Variants in ZNF75D observed in about 807,000 individuals in gnomAD.
The protein encoded by ZNF75D is zinc finger protein 75D, also known as zinc finger protein 75.
A neutral mutation model predicts 33.3 loss-of-function variants in ZNF75D; 33 were observed. The observed-to-expected ratio is 0.99, with a 90% CI of 0.75 to 1.32. The LOEUF (loss-of-function observed/expected upper bound fraction) is 1.32, where lower values mean the gene tolerates loss of function less well. ZNF75D is among the 40% of genes most tolerant of loss of function. The pLI, the probability that ZNF75D is intolerant of heterozygous loss-of-function variation, is 0.00. For missense variants in ZNF75D, 338 were observed against 367.5 expected, an observed-to-expected ratio of 0.92 and a Z score of 0.66; for synonymous variants, 113 against 130.6, an observed-to-expected ratio of 0.87 and a Z score of 0.92.
In ZNF75D at chrX:135,248,978, C is replaced by T. The variant is rs2083770262; in HGVS notation, n.1620G>A. 2 of 318,938 alleles carry T rather than the reference C, an allele frequency of 6.3e-6. 1 individual carries two copies. The highest frequency in any genetic ancestry group is 1.2e-5 in the Non-Finnish European group (2 of 164,764). The allele number at this position is 318,938 out of a possible 1,213,427, so 26.3% of individuals were successfully genotyped here. On this transcript the variant is annotated non_coding_transcript_exon_variant, in exon 4 of 4. Coordinates refer to the ZNF75D transcript ENST00000494295. Reference sequence around the variant, plus strand: ...CAGGGGAAGGATTTATTGATCCACACCATTTTCTTGGATTTTCCATCCTCC... The same window carrying T: ...CAGGGGAAGGATTTATTGATCCACATCATTTTCTTGGATTTTCCATCCTCC...
intron 1 of ZNF75D, among the ~76,000 whole-genome samples, chrX:135,296,449 G>A (rs1289493546): frequency 9.0e-6 from 1 of 111,678 alleles, no homozygotes; most frequent in Non-Finnish European, 1.9e-5. Flanking sequence ...AAGGTCTAGG[G>A]GCCACGGAAG....
intron 1 of ZNF75D, among the ~76,000 whole-genome samples, chrX:135,304,332 A>G (rs782427481): frequency 9.0e-6 from 1 of 111,657 alleles, no homozygotes; most frequent in Non-Finnish European, 1.9e-5. Flanking sequence ...ATCCTATTCC[A>G]TAGAGAATAT....
chrX:135,318,415 G>A (rs1556432695), intron 1 of ZNF75D, among the ~76,000 whole-genome samples: 2 of 110,823 alleles, frequency 1.8e-5, no homozygotes, highest in Non-Finnish European at 3.8e-5. Flanking sequence ...GTTAAAGAGT[G>A]TTTCTACATA....
At chrX:135,276,064 A>G (rs2083898352) in intron 1 of ZNF75D, among the ~76,000 whole-genome samples, 3 of 111,720 alleles carry the variant, frequency 2.7e-5, no homozygotes, top group Admixed American at 9.5e-5. Context: ...AAAAGGGTAA[A>G]AATTTCTTAC....
At chrX:135,289,627 GACACACACACACACACACACACACAC>G (rs60550937) in intron 6 of ZNF75D, among the ~76,000 whole-genome samples, 1 of 88,912 alleles carries the variant, frequency 1.1e-5, no homozygotes, top group African/African-American at 4.4e-5. Context: ...CACACACACA[GACACACACACACACACACACACACAC>G]ACACACACAC....
chrX:135,250,465 G>A (rs376821399), intron 3 of ZNF75D, among the ~76,000 whole-genome samples: 8 of 107,281 alleles, frequency 7.5e-5, no homozygotes, highest in African/African-American at 2.1e-4. Context: ...CAAACGGTGA[G>A]TATTGACCTA....
chrX:135,270,324 T>C (rs1340018016), intron 1 of ZNF75D, among the ~76,000 whole-genome samples: 20 of 96,806 alleles, frequency 2.1e-4, no homozygotes, highest in African/African-American at 6.3e-4. Context: ...GTAATTATTA[T>C]ACATTGCAGG....
chrX:135,308,772 G>C (rs917341128), intron 1 of ZNF75D, among the ~76,000 whole-genome samples: 1 of 111,848 alleles, frequency 8.9e-6, no homozygotes, highest in Non-Finnish European at 1.9e-5. Context: ...AACTCAGAAG[G>C]ATGGGCCTTA....
In ZNF75D at chrX:135,294,185, A is replaced by AC. The variant is rs1339763349; in HGVS notation, c.-46dup. The AC allele has an allele frequency of 3.8e-5, 40 of 1,057,934 alleles. No homozygotes were observed. The highest frequency in any genetic ancestry group is 4.6e-5 in the Non-Finnish European group (36 of 784,993). 87.2% of individuals were successfully genotyped at this position (1,057,934 alleles called of 1,213,427 possible). On this transcript the variant is annotated 5_prime_UTR_variant, in exon 3 of 7. It removes the in-frame stop codon of an upstream open reading frame in the 5' UTR. Coordinates refer to ENST00000370766, the MANE Select transcript of ZNF75D (RefSeq NM_007131.5). ...ACTCTTGTATGTGACACTGACACCC[A>AC]CCTGGTACCACCTTTGACAAATCAG...
intron 1 of ZNF75D, among the ~76,000 whole-genome samples, chrX:135,274,784 TC>T (rs1301749204): frequency 8.9e-6 from 1 of 112,199 alleles, no homozygotes; most frequent in Non-Finnish European, 1.9e-5. Flanking sequence ...TCACTTAATA[TC>T]TGGGTCATTT....
chrX:135,329,160 A>G (rs1338505591), intron 1 of ZNF75D, among the ~76,000 whole-genome samples: 2 of 112,631 alleles, frequency 1.8e-5, no homozygotes, highest in Non-Finnish European at 3.7e-5. Flanking sequence ...TGTTTTCTGC[A>G]TTTACTTTTA....
At chrX:135,333,419 G>A (rs916751146) in intron 1 of ZNF75D, among the ~76,000 whole-genome samples, 5 of 111,764 alleles carry the variant, frequency 4.5e-5, no homozygotes, top group Non-Finnish European at 3.8e-5. Context: ...GAACAGAGCA[G>A]TATAGAGAAG....
At chrX:135,277,307 A>C (rs782558591) in intron 1 of ZNF75D, among the ~76,000 whole-genome samples, 3 of 112,263 alleles carry the variant, frequency 2.7e-5, no homozygotes, top group Non-Finnish European at 5.6e-5. Flanking sequence ...GTGTCTGTTC[A>C]TATCCTTCAC....
intron 2 of ZNF75D, among the ~76,000 whole-genome samples, chrX:135,294,640 T>G (rs782232600): frequency 9.0e-6 from 1 of 111,637 alleles, no homozygotes; most frequent in East Asian, 2.8e-4. Context: ...AGGGCCTATT[T>G]GAGTTTCTCG....
At chrX:135,310,590 T>C (rs1342490217) in intron 1 of ZNF75D, among the ~76,000 whole-genome samples, 1 of 111,413 alleles carries the variant, frequency 9.0e-6, no homozygotes, top group East Asian at 2.8e-4. Flanking sequence ...AGCTGCAAAA[T>C]AAGCCTGCAA....
intron 1 of ZNF75D, among the ~76,000 whole-genome samples, chrX:135,265,380 C>T (rs939584591): frequency 1.8e-5 from 2 of 111,082 alleles, no homozygotes; most frequent in Non-Finnish European, 3.8e-5. Context: ...GCAGGTTTAA[C>T]CTAAAGAAGA....
At chrX:135,331,735 C>T (rs1556440591) in intron 1 of ZNF75D, among the ~76,000 whole-genome samples, 1 of 111,499 alleles carries the variant, frequency 9.0e-6, no homozygotes, top group Non-Finnish European at 1.9e-5. Flanking sequence ...TCCCCAAGGC[C>T]TCTTCCTGTC....
intron 1 of ZNF75D, among the ~76,000 whole-genome samples, chrX:135,257,872 G>C (rs891576651): frequency 9.0e-5 from 10 of 110,539 alleles, no homozygotes. Context: ...TGCACAACAT[G>C]CTGGTTTTAT....
chrX:135,272,338 T>G (rs1166649868), intron 1 of ZNF75D, among the ~76,000 whole-genome samples: 1 of 105,093 alleles, frequency 9.5e-6, no homozygotes, highest in African/African-American at 3.5e-5. Context: ...CTCCCCCTCC[T>G]GCTCATATCC....
Sources: allele counts gnomAD v4.1 joint callset (sites outside exome capture counted in the v4.1 genomes callset), GRCh38; gene constraint gnomAD v4.1.1; transcripts MANE v1.5; gene names NCBI Gene and HGNC (gene_info 2026-07-23, HGNC 2026-07-21).